Variants in BRCA2 observed in about 807,000 individuals in gnomAD.
BRCA2 encodes the protein breast cancer type 2 susceptibility protein.
A neutral mutation model predicts 276.7 loss-of-function variants in BRCA2; 203 were observed. The ratio of observed to expected loss-of-function variants is 0.73; its 90% confidence interval spans 0.65 to 0.82. The LOEUF (loss-of-function observed/expected upper bound fraction) is 0.82, where lower values mean the gene tolerates loss of function less well. BRCA2 is among the 40% of genes least tolerant of loss of function. The pLI is 0.00. For synonymous variants in BRCA2, 1,289 were observed against 1,338.4 expected (o/e 0.96, Z 0.81); for missense variants, 3,920 against 3,915.0 (o/e 1.00, Z -0.03).
Position 32,365,165 on chromosome 13 carries a change from G to A in BRCA2, c.8331+1632G>A, listed in dbSNP as rs206099. Reference sequence around the variant, plus strand: ...GACAACGTCTCACTGTGTTACATAGGCTGGAGTGTTTCATTTTGTACAGAT... The same window carrying A: ...GACAACGTCTCACTGTGTTACATAGACTGGAGTGTTTCATTTTGTACAGAT... On this transcript the variant is annotated intron_variant, in intron 18 of 26. Transcript: ENST00000380152. Among the ~76,000 whole-genome samples, 27,256 of 116,004 alleles carry A rather than the reference G, an allele frequency of 0.23. 2,932 individuals carry two copies. The highest frequency in any genetic ancestry group is 0.37 in the Middle Eastern group (69 of 186). The allele number at this position is 116,004 out of a possible 152,430, so 76.1% of individuals were successfully genotyped here.
chr13:32,326,700 A>G, intron 7 of BRCA2, 87 bp downstream of exon 7: 2 of 980,892 alleles, frequency 2.0e-6, no homozygotes, highest in Non-Finnish European at 3.1e-6. Flanking sequence ...AGGAAATATG[A>G]AAAGAAAATA....
At chr13:32,389,006 GTTAC>G (rs2072980060) in intron 24 of BRCA2, among the ~76,000 whole-genome samples, 2 of 151,896 alleles carry the variant, frequency 1.3e-5, no homozygotes, top group Admixed American at 1.3e-4. Context: ...CTTCCTGAAG[GTTAC>G]TTAAATATAT....
At chr13:32,350,881 TTC>T (rs1362271254) in intron 13 of BRCA2, among the ~76,000 whole-genome samples, 1 of 152,236 alleles carries the variant, frequency 6.6e-6, no homozygotes, top group Non-Finnish European at 1.5e-5. Flanking sequence ...CTGGCTGGGC[TTC>T]TGGGTCGTGT....
rs141070283 is a variant in BRCA2, at chr13:32,390,046, G to A, written c.9257-4643G>A. On this transcript the variant is annotated intron_variant, in intron 24 of 26. Transcript: ENST00000380152. ...TAAATTTTATATCATGATATTCCAC[G>A]TTTGTAGATTTTGGGTGAATGTTTC... is the stretch of plus-strand genomic sequence containing the variant. 2.3e-3 allele frequency among the ~76,000 whole-genome samples: 350 copies of A among 152,122 alleles called. 1 individual carries two copies. The highest frequency in any genetic ancestry group is 7.7e-3 in the African/African-American group (321 of 41,514).
At chr13:32,397,418 G>T (rs1050520721) in intron 26 of BRCA2, among the ~76,000 whole-genome samples, 1 of 152,210 alleles carries the variant, frequency 6.6e-6, no homozygotes, top group African/African-American at 2.4e-5. Context: ...GCTAATGGCT[G>T]ATTCTTAAAT....
At chr13:32,342,978 G>A (rs1459011024) in intron 11 of BRCA2, among the ~76,000 whole-genome samples, 1 of 152,004 alleles carries the variant, frequency 6.6e-6, no homozygotes, top group African/African-American at 2.4e-5. Flanking sequence ...GAACCCTGGA[G>A]GCAGAGATTT....
rs778052683 is a variant in BRCA2 at position 32,379,759 on chromosome 13, G to C, written c.8963G>C (p.Ser2988Thr). ...ATCTTTCTCCAAACAGTTATACTGA[G>C]TATTTGGCGTCCATCATCAGATTTA... ...SKKEKDSVIL[S>T]IWRPSSDLYS... Residue 2988 changes from serine to threonine, a missense_variant, in exon 23 of 27, where the codon AGT (serine) becomes ACT (threonine). By Grantham distance (58) the Ser-to-Thr change is moderately conservative. This residue lies in a region of BRCA2 where 657 missense variants were observed against 758.2 expected (regional missense o/e 0.87). Coordinates refer to ENST00000380152, the MANE Select transcript of BRCA2 (RefSeq NM_000059.4). 1 of 1,611,300 alleles carries C rather than the reference G, an allele frequency of 6.2e-7. No homozygotes were observed.
At chr13:32,357,243 T>A (rs1410474447) in intron 15 of BRCA2, among the ~76,000 whole-genome samples, 1 of 152,200 alleles carries the variant, frequency 6.6e-6, no homozygotes, top group African/African-American at 2.4e-5. Context: ...GTGGAAGTGC[T>A]ATGATTCCAA....
chr13:32,354,967 T>G lies in BRCA2; in HGVS notation c.7114T>G (p.Ser2372Ala), dbSNP rs1199109224. The change falls in exon 14 of 27, where the codon TCA (serine) becomes GCA (alanine). Residue 2372 changes from serine (S) to alanine (A), a missense_variant. This residue lies in a region of BRCA2 where 3,263 missense variants were observed against 3,156.9 expected (regional missense o/e 1.03). Coordinates refer to ENST00000380152, the MANE Select transcript of BRCA2 (RefSeq NM_000059.4). ...LYEHLTLEKS[S>A]SNLAVSGHPF... ...TGAACATCTGACTTTGGAAAAATCT[T>G]CAAGCAATTTAGCAGTTTCAGGACA... The G allele has an allele frequency of 6.2e-7, 1 of 1,613,580 alleles. No individual in the cohort carries two copies. Among genetic ancestry groups the G allele is most frequent in the Non-Finnish European group, 8.5e-7 (1 of 1,179,706 alleles).
intron 18 of BRCA2, among the ~76,000 whole-genome samples, chr13:32,368,421 T>C (rs2072802009): frequency 6.6e-6 from 1 of 152,206 alleles, no homozygotes; most frequent in African/African-American, 2.4e-5. Flanking sequence ...TTCTTTTTTT[T>C]GTGACATTCA....
intron 2 of BRCA2, among the ~76,000 whole-genome samples, chr13:32,318,784 C>T (rs892939031): frequency 2.0e-5 from 3 of 151,398 alleles, no homozygotes; most frequent in East Asian, 1.9e-4. Context: ...TTTTTGATTC[C>T]GAACCATGAA....
intron 26 of BRCA2, among the ~76,000 whole-genome samples, chr13:32,397,867 T>TA (rs1336067632): frequency 1.3e-5 from 2 of 152,194 alleles, no homozygotes; most frequent in Non-Finnish European, 2.9e-5. Flanking sequence ...CTGTTAATAA[T>TA]AAAAAACAAA....
At chr13:32,324,830 G>A (rs1214216318) in intron 3 of BRCA2, among the ~76,000 whole-genome samples, 1 of 152,086 alleles carries the variant, frequency 6.6e-6, no homozygotes, top group East Asian at 1.9e-4. Context: ...TGCTCAGGCA[G>A]GTGTTGAACT....
chr13:32,376,759 G>A lies in BRCA2; in HGVS notation c.8722G>A (p.Val2908Met), dbSNP rs483353124. ...AGATGGTGCAGAGCTTTATGAAGCA[G>A]TGAAGAATGCAGCAGACCCAGCTTA... ...LQDGAELYEA[V>M]KNAADPAYLE... The change falls in exon 21 of 27, where the codon GTG becomes ATG. Residue 2908 changes from valine to methionine, a missense_variant. Val to Met is a conservative substitution (Grantham distance 21, BLOSUM62 1). Around this residue, in one of 2 missense-constraint regions of BRCA2, gnomAD observed 657 missense variants for 758.2 expected, o/e 0.87. Coordinates refer to ENST00000380152, the MANE Select transcript of BRCA2 (RefSeq NM_000059.4). 6.2e-7 allele frequency: 1 copy of A among 1,614,194 alleles called. No individual in the cohort carries two copies. The highest frequency in any genetic ancestry group is 8.5e-7 in the Non-Finnish European group (1 of 1,180,044).
intron 18 of BRCA2, among the ~76,000 whole-genome samples, chr13:32,364,087 A>G (rs2137584226): frequency 6.6e-6 from 1 of 152,314 alleles, no homozygotes; most frequent in African/African-American, 2.4e-5. Flanking sequence ...TAAATTAAAC[A>G]TTTTTAAGGT....
chr13:32,328,590 A>C (rs2072366950), intron 7 of BRCA2, among the ~76,000 whole-genome samples: 1 of 152,094 alleles, frequency 6.6e-6, no homozygotes, highest in Non-Finnish European at 1.5e-5. Context: ...TTATTTTGTG[A>C]GTCGTATATG....
chr13:32,330,770 T>C (rs2072383238), intron 8 of BRCA2, 149 bp from the exon 9 acceptor site: 1 of 606,006 alleles, frequency 1.7e-6, no homozygotes, highest in African/African-American at 1.9e-5. Context: ...AATTGCTTAC[T>C]TCTGGAATTT....
In BRCA2 at chr13:32,340,027, C is replaced by T. The variant is rs397507360; in HGVS notation, c.5672C>T (p.Ala1891Val). The T allele has an allele frequency of 6.8e-6, 11 of 1,613,162 alleles. No individual in the cohort carries two copies. Among genetic ancestry groups the T allele is most frequent in the African/African-American group, 1.3e-5 (1 of 74,874 alleles). Residue 1891 changes from alanine to valine, a missense_variant, in exon 11 of 27, where the codon GCA becomes GTA. Coordinates refer to ENST00000380152, the MANE Select transcript of BRCA2 (RefSeq NM_000059.4). The stretch of plus-strand genomic sequence containing the variant: ...AAAATTTGCCAAACGAAAATTATGG[C>T]AGGTTGTTACGAGGCATTGGATGAT... ...KSKICQTKIM[A>V]GCYEALDDSE... is the part of the protein sequence containing the mutation.
intron 26 of BRCA2, 140 bp downstream of exon 26, chr13:32,397,184 ATAGT>A: frequency 1.0e-6 from 1 of 952,818 alleles, no homozygotes; most frequent in South Asian, 1.6e-5. Context: ...TCCTGTAAGT[ATAGT>A]TATTTAGAAA....
Sources: allele counts gnomAD v4.1 joint callset (sites outside exome capture counted in the v4.1 genomes callset), GRCh38; gene constraint gnomAD v4.1.1; regional missense constraint gnomAD v4.1.1; transcripts MANE v1.5; gene names NCBI Gene and HGNC (gene_info 2026-07-23, HGNC 2026-07-21).